The following PCDH9 variants were observed in gnomAD, a reference collection of about 807,000 sequenced individuals.
The protein encoded by PCDH9 is protocadherin 9.
In PCDH9, 24 loss-of-function variants were observed where a neutral mutation model predicts 70.6. The ratio of observed to expected loss-of-function variants is 0.34; its 90% confidence interval spans 0.25 to 0.48. The LOEUF is 0.48. PCDH9 is among the 20% of genes least tolerant of loss of function. The probability of loss-of-function intolerance (pLI) is 0.99; values close to 1 mark genes in which losing one functional copy is unlikely to be tolerated. For synonymous variants in PCDH9, 562 were observed against 558.5 expected (o/e 1.01, Z -0.09); for missense variants, 1,281 against 1,503.6 (o/e 0.85, Z 2.45).
chr13:66,848,290 A>C (rs1186335000), intron 3 of PCDH9, among the ~76,000 whole-genome samples: 1 of 152,224 alleles, frequency 6.6e-6, no homozygotes, highest in East Asian at 1.9e-4. Flanking sequence ...ATACTTTTTA[A>C]ACTCTACAAT....
chr13:67,012,506 G>C (rs576823849), intron 2 of PCDH9, among the ~76,000 whole-genome samples: 17 of 151,992 alleles, frequency 1.1e-4, no homozygotes, highest in Middle Eastern at 3.4e-3. Flanking sequence ...TAAATGGTGG[G>C]ACCTCAAGAT....
chr13:66,681,950 C>CATATATAT (rs56280836), intron 3 of PCDH9, among the ~76,000 whole-genome samples: 11,058 of 130,200 alleles, frequency 0.085, 604 homozygotes, highest in Middle Eastern at 0.12. Flanking sequence ...TATATACAAA[C>CATATATAT]ATATATATAT....
chr13:66,497,944 CA>C (rs1439112561), intron 4 of PCDH9, among the ~76,000 whole-genome samples: 3 of 150,480 alleles, frequency 2.0e-5, no homozygotes, highest in South Asian at 2.1e-4. Context: ...TCAGCCTCCC[CA>C]AGTAGCTGGG....
chr13:66,460,198 G>A (rs1234127809), intron 4 of PCDH9, among the ~76,000 whole-genome samples: 2 of 151,738 alleles, frequency 1.3e-5, no homozygotes, highest in East Asian at 1.9e-4. Flanking sequence ...GAAAAACAAT[G>A]GCACTATCAA....
chr13:66,891,823 TTTTG>T (rs2082101064), intron 3 of PCDH9, among the ~76,000 whole-genome samples: 1 of 152,110 alleles, frequency 6.6e-6, no homozygotes, highest in African/African-American at 2.4e-5. Flanking sequence ...TCCATTTTTT[TTTTG>T]TTTTGTTTTA....
intron 2 of PCDH9, among the ~76,000 whole-genome samples, chr13:67,079,750 C>T (rs1175942599): frequency 6.6e-6 from 1 of 152,090 alleles, no homozygotes; most frequent in Admixed American, 6.5e-5. Context: ...GAGCCTGACA[C>T]CTTTGAAGTC....
chr13:66,414,240 G>A (rs1316400092), intron 4 of PCDH9, among the ~76,000 whole-genome samples: 2 of 152,144 alleles, frequency 1.3e-5, no homozygotes, highest in Non-Finnish European at 2.9e-5. Flanking sequence ...CAACTGCAAT[G>A]AAAATAAACA....
chr13:66,728,040 C>T (rs939994223), intron 3 of PCDH9, among the ~76,000 whole-genome samples: 4 of 151,966 alleles, frequency 2.6e-5, no homozygotes, highest in Admixed American at 1.3e-4. Flanking sequence ...TAACATATGC[C>T]TCCTCACACC....
rs150231247 is a variant in PCDH9 at position 66,582,676 on chromosome 13, G to A, written c.3340+48534C>T. 9.1e-3 allele frequency among the ~76,000 whole-genome samples: 1,381 copies of A among 152,060 alleles called. 11 individuals carry two copies. Among genetic ancestry groups the A allele is most frequent in the Middle Eastern group, 0.014 (4 of 294 alleles). On this transcript the variant is annotated intron_variant, in intron 4 of 4. Transcript: ENST00000377865. ...TAAATAAAACAGATAAAATATTAAC[G>A]AGTTGACTGATATTGCTACTTCAAG...
chr13:66,827,530 T>C (rs2080847050), intron 3 of PCDH9, among the ~76,000 whole-genome samples: 1 of 152,070 alleles, frequency 6.6e-6, no homozygotes, highest in South Asian at 2.1e-4. Context: ...GGTGGTGGTG[T>C]GGTGGCTGAA....
intron 2 of PCDH9, among the ~76,000 whole-genome samples, chr13:67,038,420 T>C (rs778989080): frequency 1.3e-5 from 2 of 152,192 alleles, no homozygotes; most frequent in African/African-American, 2.4e-5. Context: ...AAATACCATA[T>C]AAATACAGTC....
chr13:67,193,371 T>G (rs1181083879), intron 2 of PCDH9, among the ~76,000 whole-genome samples: 1 of 149,428 alleles, frequency 6.7e-6, no homozygotes, highest in Non-Finnish European at 1.5e-5. Context: ...ACACACAACA[T>G]AGGAGAAAAA....
At chr13:66,755,356 C>A (rs1342272658) in intron 3 of PCDH9, among the ~76,000 whole-genome samples, 2 of 152,158 alleles carry the variant, frequency 1.3e-5, no homozygotes, top group Non-Finnish European at 2.9e-5. Context: ...CTTTTCTGAA[C>A]CTGCAGGACA....
Position 66,794,045 on chromosome 13 carries a change from A to G in PCDH9, c.3138+109459T>C, listed in dbSNP as rs570731230. Among the ~76,000 whole-genome samples the G allele has an allele frequency of 1.4e-4, 22 of 152,338 alleles. No homozygotes were observed. The South Asian group carries it at 4.6e-3, about 32-fold the overall frequency. On this transcript the variant is annotated intron_variant, in intron 3 of 4. Coordinates refer to ENST00000377865, the MANE Select transcript of PCDH9 (RefSeq NM_203487.3). ...ACTTCACACTACACTTAAGGCAGAC[A>G]TAAAGGTAACTGAAGAACTCCACTG...
chr13:66,637,196 A>C (rs915445952), intron 3 of PCDH9, among the ~76,000 whole-genome samples: 2 of 152,164 alleles, frequency 1.3e-5, no homozygotes, highest in Admixed American at 6.5e-5. Context: ...TGTGGTTTAG[A>C]AAGTAAAGTA....
intron 4 of PCDH9, among the ~76,000 whole-genome samples, chr13:66,357,885 T>C (rs1420822152): frequency 1.3e-5 from 2 of 152,032 alleles, no homozygotes; most frequent in East Asian, 3.9e-4. Context: ...ATAATCTATA[T>C]AATATACCTT....
In PCDH9 at chr13:66,657,546, C is replaced by T. The variant is rs189386201; in HGVS notation, c.3139-26135G>A. ...ATGCTTTTACTGACTCCAAATGTGA[C>T]TTTAAACAAAAATTCTCATTCTCTG... On this transcript the variant is annotated intron_variant, in intron 3 of 4. Transcript: ENST00000377865. Among the ~76,000 whole-genome samples the T allele has an allele frequency of 1.5e-3, 223 of 152,260 alleles. 2 individuals carry two copies. The highest frequency in any genetic ancestry group is 1.2e-3 in the Non-Finnish European group (85 of 68,010).
chr13:66,937,714 C>T (rs2082939614), intron 2 of PCDH9, among the ~76,000 whole-genome samples: 1 of 152,186 alleles, frequency 6.6e-6, no homozygotes, highest in African/African-American at 2.4e-5. Flanking sequence ...TTCAACCACT[C>T]ATAGACTGCT....
At chr13:66,561,844 G>A (rs964310856) in intron 4 of PCDH9, among the ~76,000 whole-genome samples, 12 of 152,058 alleles carry the variant, frequency 7.9e-5, no homozygotes, top group Non-Finnish European at 1.6e-4. Flanking sequence ...CAGGCTGCCC[G>A]AGTCAGCAGT....
Sources: allele counts gnomAD v4.1 joint callset (sites outside exome capture counted in the v4.1 genomes callset), GRCh38; gene constraint gnomAD v4.1.1; transcripts MANE v1.5; gene names NCBI Gene and HGNC (gene_info 2026-07-23, HGNC 2026-07-21).